The following TIPIN variants were observed in gnomAD, a reference collection of about 807,000 sequenced individuals.
The protein encoded by TIPIN is TIMELESS interacting protein, also known as TIMELESS-interacting protein.
A neutral mutation model predicts 35.6 loss-of-function variants in TIPIN; 29 were observed. The observed-to-expected ratio is 0.82, with a 90% CI of 0.61 to 1.11. The LOEUF is 1.11. TIPIN is among the 50% of genes most tolerant of loss of function. The probability of loss-of-function intolerance (pLI) is 0.00; values close to 1 mark genes in which losing one functional copy is unlikely to be tolerated. For missense variants in TIPIN, 296 were observed against 345.4 expected, an observed-to-expected ratio of 0.86 and a Z score of 1.13; for synonymous variants, 102 against 121.5, an observed-to-expected ratio of 0.84 and a Z score of 1.06.
At chr15:66,371,830 T>C (rs1480794669) in intron 1 of TIPIN, among the ~76,000 whole-genome samples, 1 of 151,954 alleles carries the variant, frequency 6.6e-6, no homozygotes, top group Non-Finnish European at 1.5e-5. Flanking sequence ...TAATTGTTTC[T>C]TTTGCCCAGG....
At chr15:66,379,637 C>A in intron 1 of TIPIN, 3 of 1,609,626 alleles carry the variant, frequency 1.9e-6, no homozygotes, top group Non-Finnish European at 2.6e-6. Flanking sequence ...CATACACAGA[C>A]CTCATCTTGT....
chr15:66,353,913 G>C (rs778957976), intron 1 of TIPIN, among the ~76,000 whole-genome samples: 2 of 151,914 alleles, frequency 1.3e-5, no homozygotes, highest in African/African-American at 4.8e-5. Flanking sequence ...GAGGTCAGGA[G>C]TTCGAGACCA....
chr15:66,363,198 T>C (rs2140480430), intron 1 of TIPIN, among the ~76,000 whole-genome samples: 1 of 151,938 alleles, frequency 6.6e-6, no homozygotes, highest in East Asian at 2.0e-4. Context: ...GGCAACATAG[T>C]GAGACCTTGT....
intron 1 of TIPIN, chr15:66,379,316 T>C: frequency 1.3e-6 from 2 of 1,579,542 alleles, no homozygotes; most frequent in Non-Finnish European, 1.7e-6. Flanking sequence ...CTTCTTTCTG[T>C]AGCTGGATAA....
chr15:66,385,633 C>T (rs1359119269), intron 1 of TIPIN, among the ~76,000 whole-genome samples: 2 of 151,954 alleles, frequency 1.3e-5, no homozygotes, highest in African/African-American at 4.8e-5. Flanking sequence ...GGATTACAGG[C>T]ACCCGCCACC....
At chr15:66,381,256 C>T (rs1441171665) in intron 1 of TIPIN, among the ~76,000 whole-genome samples, 7 of 151,970 alleles carry the variant, frequency 4.6e-5, no homozygotes, top group Admixed American at 2.0e-4. Flanking sequence ...CCCAACATGG[C>T]GAAACCCTGT....
intron 2 of TIPIN, 117 bp from the exon 3 acceptor site, chr15:66,352,324 G>T (rs2140463952): frequency 2.6e-6 from 2 of 758,186 alleles, no homozygotes; most frequent in Middle Eastern, 3.2e-4. Flanking sequence ...TTTGAAACAG[G>T]GTCTCACTCT....
At chr15:66,358,855 C>G (rs12907164), upstream of TIPIN, among the ~76,000 whole-genome samples, 1 of 152,012 alleles carries the variant, frequency 6.6e-6, no homozygotes, top group Non-Finnish European at 1.5e-5. Context: ...ACCAGCCTGG[C>G]CAACATGGTG....
chr15:66,368,450 G>A (rs1331495201), intron 1 of TIPIN, among the ~76,000 whole-genome samples: 3 of 152,006 alleles, frequency 2.0e-5, no homozygotes, highest in African/African-American at 7.2e-5. Flanking sequence ...TGAGACTTGA[G>A]CCTGGGAGTT....
At chr15:66,371,201 A>T in intron 1 of TIPIN, 1 of 948,456 alleles carries the variant, frequency 1.1e-6, no homozygotes, top group Non-Finnish European at 1.2e-6. Context: ...ACAGAGGGAA[A>T]CTCTCAAAAA....
chr15:66,379,606 C>G, intron 1 of TIPIN: 1 of 1,610,432 alleles, frequency 6.2e-7, no homozygotes, highest in Non-Finnish European at 8.5e-7. Flanking sequence ...TCCGGGATAA[C>G]GACGATGATG....
chr15:66,372,923 G>A (rs1338070197), intron 1 of TIPIN, among the ~76,000 whole-genome samples: 2 of 151,830 alleles, frequency 1.3e-5, no homozygotes, highest in Non-Finnish European at 2.9e-5. Context: ...AAAAAAGATT[G>A]TAATACCAAA....
chr15:66,382,626 C>T (rs2093322379), intron 1 of TIPIN, among the ~76,000 whole-genome samples: 1 of 151,598 alleles, frequency 6.6e-6, no homozygotes, highest in African/African-American at 2.4e-5. Flanking sequence ...CCACCTGCCT[C>T]AGCCTTCCAA....
chr15:66,356,399 C>T (rs770541134), intron 1 of TIPIN, among the ~76,000 whole-genome samples: 1 of 152,186 alleles, frequency 6.6e-6, no homozygotes, highest in Non-Finnish European at 1.5e-5. Context: ...ACGTTCCCTC[C>T]CGCTAAGCGG....
At chr15:66,338,433 T>C (rs2093060594) in intron 7 of TIPIN, among the ~76,000 whole-genome samples, 2 of 152,196 alleles carry the variant, frequency 1.3e-5, no homozygotes, top group South Asian at 4.1e-4. Flanking sequence ...ATACTTGATA[T>C]TGACAGCAAA....
At chr15:66,367,546 C>T (rs919854120) in intron 1 of TIPIN, among the ~76,000 whole-genome samples, 1 of 151,636 alleles carries the variant, frequency 6.6e-6, no homozygotes, top group Non-Finnish European at 1.5e-5. Flanking sequence ...AGGCACCCAC[C>T]ACCACACTTG....
chr15:66,371,472 GT>G (rs2093277341), intron 1 of TIPIN: 1 of 706,958 alleles, frequency 1.4e-6, no homozygotes, highest in African/African-American at 1.9e-5. Flanking sequence ...GAAAAAAAAA[GT>G]TTTTCCATGA....
intron 1 of TIPIN, chr15:66,371,118 T>G (rs1427631417): frequency 1.9e-6 from 1 of 515,266 alleles, no homozygotes; most frequent in Non-Finnish European, 2.5e-6. Context: ...GGCTGAGGCA[T>G]GAGAATCACT....
At chr15:66,344,789 A>G (rs2093112672) in intron 6 of TIPIN, among the ~76,000 whole-genome samples, 1 of 152,156 alleles carries the variant, frequency 6.6e-6, no homozygotes, top group South Asian at 2.1e-4. Context: ...GGATTGCTTA[A>G]GCCCTGGAGG....
Sources: allele counts gnomAD v4.1 joint callset (sites outside exome capture counted in the v4.1 genomes callset), GRCh38; gene constraint gnomAD v4.1.1; transcripts MANE v1.5; gene names NCBI Gene and HGNC (gene_info 2026-07-23, HGNC 2026-07-21).